EIF4H: variants seen among roughly 807,000 people sequenced by gnomAD.
The protein encoded by EIF4H is Williams-Beuren syndrome chromosome region 1.
Under a neutral mutation model 30.6 loss-of-function variants are expected in EIF4H, and 8 were observed. The observed-to-expected ratio is 0.26, with a 90% confidence interval of 0.15 to 0.47. The LOEUF is 0.47. Ranked by LOEUF, EIF4H falls within the 20% of genes least tolerant of loss-of-function variation. The pLI, the probability that EIF4H is intolerant of heterozygous loss-of-function variation, is 0.99. For missense variants in EIF4H, 188 were observed against 339.5 expected (o/e 0.55, Z 3.51); for synonymous variants, 106 against 122.7 (o/e 0.86, Z 0.90).
In EIF4H at chr7:74,189,834, C is replaced by A; in HGVS notation, c.325C>A (p.Arg109=). The change falls in exon 4 of 7, where the codon CGG becomes AGG. Residue 109 remains arginine (R), a synonymous_variant. Coordinates refer to ENST00000265753, the MANE Select transcript of EIF4H (RefSeq NM_022170.2). ...LTYDGALLGD[R]SLRVDIAEGR... ...CCTTTATCATTAGCTGTTGGGCGAT[C>A]GGTCACTTCGTGTGGACATTGCAGA... The A allele has an allele frequency of 6.2e-7, 1 of 1,614,094 alleles. No homozygotes were observed. Among genetic ancestry groups the A allele is most frequent in the African/African-American group, 1.3e-5 (1 of 75,032 alleles).
chr7:74,179,401 G>A (rs566198752), intron 1 of EIF4H, among the ~76,000 whole-genome samples: 4 of 152,290 alleles, frequency 2.6e-5, no homozygotes, highest in Non-Finnish European at 5.9e-5. Context: ...GGAGGCCAAG[G>A]CGGGCGGATT....
intron 1 of EIF4H, among the ~76,000 whole-genome samples, chr7:74,177,919 G>A (rs983110573): frequency 6.6e-6 from 1 of 152,056 alleles, no homozygotes; most frequent in Non-Finnish European, 1.5e-5. Flanking sequence ...TCTGAGCCTC[G>A]TTTTCCCCAC....
intron 5 of EIF4H, among the ~76,000 whole-genome samples, chr7:74,194,410 G>C (rs528083774): frequency 2.0e-5 from 3 of 152,280 alleles, no homozygotes; most frequent in South Asian, 2.1e-4. Flanking sequence ...CTGCTTTGAG[G>C]CTTTCTTGTT....
At chr7:74,174,467 G>A (rs782514280) in intron 1 of EIF4H, 25 bp downstream of exon 1, 3 of 1,399,698 alleles carry the variant, frequency 2.1e-6, no homozygotes, top group Non-Finnish European at 2.8e-6. Flanking sequence ...CGCGGGCCCC[G>A]TCGGGGGCTG....
At chr7:74,181,526 G>T (rs1458671247) in intron 1 of EIF4H, among the ~76,000 whole-genome samples, 1 of 152,050 alleles carries the variant, frequency 6.6e-6, no homozygotes, top group Non-Finnish European at 1.5e-5. Context: ...CCGCCTCCTG[G>T]GTTCAAGCGA....
chr7:74,190,127 T>G, intron 4 of EIF4H, 120 bp from the exon 5 acceptor site: 1 of 1,179,536 alleles, frequency 8.5e-7, no homozygotes, highest in Non-Finnish European at 1.2e-6. Flanking sequence ...CAAAAGCTCT[T>G]AAAATGATTT....
intron 5 of EIF4H, among the ~76,000 whole-genome samples, 169 bp downstream of exon 5, chr7:74,190,475 G>A (rs544175183): frequency 9.9e-5 from 15 of 151,956 alleles, no homozygotes; most frequent in Admixed American, 3.9e-4. Context: ...TAGAGCCTGT[G>A]GGGGCAGGAC....
chr7:74,181,807 T>C (rs567314086), intron 1 of EIF4H, among the ~76,000 whole-genome samples: 21 of 144,996 alleles, frequency 1.4e-4, no homozygotes, highest in Non-Finnish European at 2.4e-4. Flanking sequence ...CGATCTCAGC[T>C]CACTGCAGCC....
intron 1 of EIF4H, among the ~76,000 whole-genome samples, chr7:74,175,725 GTT>G (rs530282320): frequency 0.023 from 3,286 of 143,772 alleles, 110 homozygotes; most frequent in African/African-American, 0.076. Context: ...AATAACTAGG[GTT>G]TTTTTTTTTT....
chr7:74,194,465 T>G (rs1176786249), intron 5 of EIF4H, among the ~76,000 whole-genome samples: 3 of 152,200 alleles, frequency 2.0e-5, no homozygotes, highest in Non-Finnish European at 4.4e-5. Context: ...ATTAATATTT[T>G]TCTACTTTTC....
At chr7:74,180,368 G>A (rs568028038) in intron 1 of EIF4H, among the ~76,000 whole-genome samples, 1 of 152,336 alleles carries the variant, frequency 6.6e-6, no homozygotes, top group Non-Finnish European at 1.5e-5. Context: ...GCTTGTGTAT[G>A]CAGCAGAAGT....
In EIF4H at chr7:74,194,555, C is replaced by T. The variant is rs550533089; in HGVS notation, c.470-186C>T. On this transcript the variant is annotated intron_variant, in intron 5 of 6. Transcript: ENST00000265753. ...CCTTTTTCTTTGGGAAGTCTGTTAGCGCTGTCATTACTCCACACATTGGCA... is the reference window on the plus strand; with the variant it reads ...CCTTTTTCTTTGGGAAGTCTGTTAGTGCTGTCATTACTCCACACATTGGCA... Among the ~76,000 whole-genome samples, 14 of 152,322 alleles carry T rather than the reference C, an allele frequency of 9.2e-5. No homozygotes were observed. The South Asian group carries it at 2.7e-3, about 29-fold the overall frequency.
intron 2 of EIF4H, among the ~76,000 whole-genome samples, chr7:74,188,596 A>G (rs1467411871): frequency 6.6e-6 from 1 of 152,178 alleles, no homozygotes; most frequent in Non-Finnish European, 1.5e-5. Context: ...AGCCACATGT[A>G]GTGTGTAATC....
chr7:74,194,974 G>C (rs1321947262), intron 6 of EIF4H, 96 bp downstream of exon 6: 18 of 1,514,498 alleles, frequency 1.2e-5, no homozygotes, highest in South Asian at 6.5e-5. Flanking sequence ...ACGGCACACA[G>C]AGTTGTCGGC....
Position 74,196,319 on chromosome 7 carries a change from C to G in EIF4H, c.*1011C>G, listed in dbSNP as rs1166213207. 6.6e-6 allele frequency: 1 copy of G among 152,644 alleles called. No individual in the cohort carries two copies. The highest frequency in any genetic ancestry group is 1.5e-5 in the Non-Finnish European group (1 of 68,052). The allele number at this position is 152,644 out of a possible 1,614,324, so 9.5% of individuals were successfully genotyped here. A position where few individuals can be genotyped will look rare whatever the true frequency, so the allele number is the denominator to read the frequency against. Reference sequence around the variant, plus strand: ...CATAATGAGATACTGTGCTTCCCACCTCCCCTTCAGTTCAGAGCCAAAATG... The same window carrying G: ...CATAATGAGATACTGTGCTTCCCACGTCCCCTTCAGTTCAGAGCCAAAATG... On this transcript the variant is annotated 3_prime_UTR_variant, in exon 7 of 7. Coordinates refer to ENST00000265753, the MANE Select transcript of EIF4H (RefSeq NM_022170.2).
chr7:74,192,182 C>T (rs545063006), intron 5 of EIF4H, among the ~76,000 whole-genome samples: 1 of 152,290 alleles, frequency 6.6e-6, no homozygotes, highest in South Asian at 2.1e-4. Context: ...CATTTAATCT[C>T]ATAGTAAAGG....
chr7:74,176,453 C>A (rs1800842826), intron 1 of EIF4H, among the ~76,000 whole-genome samples: 1 of 152,150 alleles, frequency 6.6e-6, no homozygotes, highest in Non-Finnish European at 1.5e-5. Flanking sequence ...CTTTACAATG[C>A]TTAAGCATCA....
At chr7:74,191,069 T>C in intron 5 of EIF4H, 2 of 438,678 alleles carry the variant, frequency 4.6e-6, no homozygotes, top group South Asian at 3.3e-5. Flanking sequence ...ACAAAACCGG[T>C]GTAAAGTAGT....
intron 1 of EIF4H, among the ~76,000 whole-genome samples, chr7:74,180,535 C>T (rs1800936979): frequency 6.6e-6 from 1 of 152,070 alleles, no homozygotes; most frequent in South Asian, 2.1e-4. Context: ...AGTTTGATGC[C>T]CCTGCCTTCG....
Sources: gnomAD v4.1 joint callset for allele counts (sites outside exome capture counted in the v4.1 genomes callset) on GRCh38, gnomAD v4.1.1 for gene constraint, MANE v1.5 for transcripts, NCBI Gene and HGNC (gene_info 2026-07-23, HGNC 2026-07-21) for gene names.